CELF1: variants seen among roughly 807,000 people sequenced by gnomAD.
CELF1 encodes the protein 50 kDa nuclear polyadenylated RNA-binding protein.
Under a neutral mutation model 61.8 loss-of-function variants are expected in CELF1, and 10 were observed. The ratio of observed to expected loss-of-function variants is 0.16; its 90% CI spans 0.10 to 0.27. The LOEUF is 0.27. Among genes scored for constraint, CELF1 ranks in the 10% least tolerant of loss-of-function variants. The probability of loss-of-function intolerance (pLI) is 1.00; values close to 1 mark genes in which losing one functional copy is unlikely to be tolerated. For synonymous variants in CELF1, 236 were observed against 225.1 expected, an observed-to-expected ratio of 1.05 and a Z score of -0.43; for missense variants, 380 against 639.1, an observed-to-expected ratio of 0.59 and a Z score of 4.37.
chr11:47,475,797 C>CTAT (rs1428746498), intron 12 of CELF1, among the ~76,000 whole-genome samples: 4 of 152,156 alleles, frequency 2.6e-5, no homozygotes, highest in Admixed American at 2.6e-4. Context: ...TTCTATCTGG[C>CTAT]TATTCTGCCA....
In CELF1 at chr11:47,535,695, A is replaced by T. The variant is rs934680802; in HGVS notation, c.-154+17297T>A. Among the ~76,000 whole-genome samples, 4 of 150,956 alleles carry T rather than the reference A, an allele frequency of 2.6e-5. 1 individual carries two copies. In the South Asian group the frequency reaches 6.2e-4, roughly 24 times the overall value. On this transcript the variant is annotated intron_variant, in intron 1 of 14. Transcript: ENST00000687097. Reference sequence around the variant, plus strand: ...ACCCCATCTCAAAAAAAAAAAAAAAATAAATCATGTCTTGTTTTGCTATAT... The same window carrying T: ...ACCCCATCTCAAAAAAAAAAAAAAATTAAATCATGTCTTGTTTTGCTATAT...
chr11:47,471,022 A>T lies in CELF1; in HGVS notation c.*1208T>A, dbSNP rs2077581026. ...GTCACCTCTGCCTCAAGAGCAGAAA[A>T]TGTGACTGGAGTGGTTACAGGAGGG... On this transcript the variant is annotated 3_prime_UTR_variant, in exon 15 of 15. Coordinates refer to ENST00000687097, the MANE Select transcript of CELF1 (RefSeq NM_001376376.1). The T allele has an allele frequency of 1.3e-5, 2 of 152,188 alleles. No homozygotes were observed. Among genetic ancestry groups the T allele is most frequent in the Non-Finnish European group, 2.9e-5 (2 of 68,046 alleles). The allele number at this position is 152,188 out of a possible 1,614,324, so 9.4% of individuals were successfully genotyped here. A position where few individuals can be genotyped will look rare whatever the true frequency, so the allele number is the denominator to read the frequency against.
chr11:47,506,888 T>C (rs1233168620), intron 1 of CELF1: 1 of 152,226 alleles, frequency 6.6e-6, no homozygotes, highest in Admixed American at 6.5e-5. Context: ...CTCTGGACTA[T>C]GTCTTCACTC....
intron 1 of CELF1, among the ~76,000 whole-genome samples, chr11:47,541,776 A>C (rs1201642197): frequency 0.11 from 1,876 of 16,548 alleles, 428 homozygotes; most frequent in African/African-American, 0.22. Context: ...GAACGAAAGA[A>C]AGAACGAAAG....
upstream of CELF1, among the ~76,000 whole-genome samples, chr11:47,557,311 C>G (rs1010858065): frequency 2.7e-5 from 4 of 150,662 alleles, no homozygotes; most frequent in Non-Finnish European, 5.9e-5. Context: ...CTCCCCCTCC[C>G]GGGTTCAAGC....
rs202233811 is a variant in CELF1 at position 47,483,408 on chromosome 11, A to G, written c.606+45T>C. 10 of 1,497,112 alleles carry G rather than the reference A, an allele frequency of 6.7e-6. No individual in the cohort carries two copies. The African/African-American group carries it at 1.4e-4, about 21-fold the overall frequency. The allele number at this position is 1,497,112 out of a possible 1,614,324, so 92.7% of individuals were successfully genotyped here. A position where few individuals can be genotyped will look rare whatever the true frequency, so the allele number is the denominator to read the frequency against. On this transcript the variant is annotated intron_variant, in intron 8 of 14. Transcript: ENST00000687097. Reference sequence around the variant, plus strand: ...GACTTTAATGGCCAACTGTCCCAGCATTCCCAAGCTGAGGAATTTTCCCCA... The same window carrying G: ...GACTTTAATGGCCAACTGTCCCAGCGTTCCCAAGCTGAGGAATTTTCCCCA...
intron 1 of CELF1, among the ~76,000 whole-genome samples, chr11:47,551,131 A>G (rs572938457): frequency 2.6e-5 from 4 of 152,262 alleles, no homozygotes; most frequent in Non-Finnish European, 4.4e-5. Flanking sequence ...GGTTCTAGAA[A>G]AGATATTCCA....
chr11:47,562,053 C>T (rs928499693), intron 2 of CELF1, among the ~76,000 whole-genome samples: 3 of 151,464 alleles, frequency 2.0e-5, no homozygotes, highest in African/African-American at 7.3e-5. Context: ...ATGGAGAAAC[C>T]CCGTCTCTAC....
chr11:47,505,842 C>G (rs867121612), intron 1 of CELF1, among the ~76,000 whole-genome samples: 1 of 140,776 alleles, frequency 7.1e-6, no homozygotes. Context: ...GGCTGAGGCA[C>G]GAGAATTGCC....
At chr11:47,472,465 T>C (rs2153358784) in intron 14 of CELF1, 108 bp from the exon 15 acceptor site, 1 of 1,241,252 alleles carries the variant, frequency 8.1e-7, no homozygotes, top group East Asian at 2.4e-5. Context: ...CCCAATTTTA[T>C]TCAGCAGGGA....
At chr11:47,522,454 A>G (rs911796527) in intron 1 of CELF1, among the ~76,000 whole-genome samples, 5 of 151,658 alleles carry the variant, frequency 3.3e-5, no homozygotes, top group African/African-American at 1.2e-4. Flanking sequence ...CGGGAGGCAG[A>G]GGTTGCAGTG....
chr11:47,560,995 G>A (rs1005183335), intron 2 of CELF1, among the ~76,000 whole-genome samples: 2 of 151,492 alleles, frequency 1.3e-5, no homozygotes, highest in East Asian at 1.9e-4. Flanking sequence ...AAAATTAGCC[G>A]GGCGTGGTGG....
chr11:47,532,624 C>T (rs1166433941), intron 1 of CELF1, among the ~76,000 whole-genome samples: 1 of 152,144 alleles, frequency 6.6e-6, no homozygotes, highest in African/African-American at 2.4e-5. Context: ...AACAACAGAA[C>T]AGTGCTGGGA....
chr11:47,529,500 AAC>A (rs1422851923), intron 1 of CELF1, among the ~76,000 whole-genome samples: 3 of 152,160 alleles, frequency 2.0e-5, no homozygotes, highest in Non-Finnish European at 4.4e-5. Context: ...CAGCCTGGCC[AAC>A]ATGGCAAACC....
intron 8 of CELF1, 113 bp downstream of exon 8, chr11:47,483,340 G>A: frequency 2.6e-6 from 2 of 773,326 alleles, no homozygotes; most frequent in Non-Finnish European, 2.2e-6. Flanking sequence ...TAAGATGTTG[G>A]CTGTTTAACC....
chr11:47,491,312 G>A (rs1358823234), intron 3 of CELF1, among the ~76,000 whole-genome samples: 1 of 151,918 alleles, frequency 6.6e-6, no homozygotes, highest in African/African-American at 2.4e-5. Context: ...ACAGGTATGC[G>A]CCACCATGCC....
chr11:47,496,943 G>A (rs2093226733), intron 3 of CELF1, among the ~76,000 whole-genome samples: 1 of 152,216 alleles, frequency 6.6e-6, no homozygotes, highest in African/African-American at 2.4e-5. Flanking sequence ...ATAATCTGGA[G>A]GATGAAATAA....
chr11:47,478,614 C>G (rs186617809), intron 10 of CELF1, among the ~76,000 whole-genome samples: 4 of 152,266 alleles, frequency 2.6e-5, no homozygotes, highest in Admixed American at 2.6e-4. Flanking sequence ...AGGAGCTAAA[C>G]AGCCCTTTTC....
chr11:47,479,435 T>C (rs2081792508), intron 9 of CELF1, among the ~76,000 whole-genome samples: 1 of 152,210 alleles, frequency 6.6e-6, no homozygotes, highest in African/African-American at 2.4e-5. Flanking sequence ...TCTAAACATT[T>C]CATAGTATTT....
Sources: allele counts gnomAD v4.1 joint callset (sites outside exome capture counted in the v4.1 genomes callset), GRCh38; gene constraint gnomAD v4.1.1; transcripts MANE v1.5; gene names NCBI Gene and HGNC (gene_info 2026-07-23, HGNC 2026-07-21).